DNM3: variants seen among roughly 807,000 people sequenced by gnomAD.
DNM3 encodes dynamin 3, also known as dynamin-3.
DNM3 carries 47 observed loss-of-function variants against 101.6 expected under a neutral mutation model. The observed-to-expected ratio is 0.46, with a 90% CI of 0.37 to 0.59. The LOEUF is 0.59. Among genes scored for constraint, DNM3 ranks in the 20% least tolerant of loss-of-function variants. DNM3 has a pLI of 0.00. For synonymous variants in DNM3, 385 were observed against 387.9 expected (o/e 0.99, Z 0.09); for missense variants, 849 against 1,085.7 (o/e 0.78, Z 3.06).
At chr1:172,008,857 A>G (rs2046886158) in intron 4 of DNM3, among the ~76,000 whole-genome samples, 2 of 138,904 alleles carry the variant, frequency 1.4e-5, no homozygotes, top group Non-Finnish European at 3.1e-5. Flanking sequence ...ATTATATTAT[A>G]TTACTATATA....
At chr1:172,068,754 C>G (rs1451121381) in intron 10 of DNM3, 65 bp from the exon 11 acceptor site, 2 of 1,332,160 alleles carry the variant, frequency 1.5e-6, no homozygotes, top group Non-Finnish European at 2.1e-6. Context: ...CATAATTTAT[C>G]TCTGCTTCTT....
At chr1:171,890,532 G>A (rs2037176341) in intron 1 of DNM3, among the ~76,000 whole-genome samples, 1 of 152,068 alleles carries the variant, frequency 6.6e-6, no homozygotes, top group Non-Finnish European at 1.5e-5. Flanking sequence ...CTGACTCACT[G>A]AATGAAAAAG....
chr1:172,055,970 G>A (rs967337330), intron 10 of DNM3, among the ~76,000 whole-genome samples: 1 of 152,180 alleles, frequency 6.6e-6, no homozygotes, highest in African/African-American at 2.4e-5. Flanking sequence ...AGTGGGCGCA[G>A]GTCAGTGGGT....
At chr1:172,363,942 T>C (rs1035527722) in intron 17 of DNM3, among the ~76,000 whole-genome samples, 1 of 151,960 alleles carries the variant, frequency 6.6e-6, no homozygotes, top group Non-Finnish European at 1.5e-5. Context: ...CTCACTTTCT[T>C]TCCATAGCCT....
intron 14 of DNM3, among the ~76,000 whole-genome samples, chr1:172,147,001 A>T (rs1446948272): frequency 6.6e-6 from 1 of 152,120 alleles, no homozygotes; most frequent in Admixed American, 6.6e-5. Context: ...ATTTTAAGGA[A>T]TTTTCTCCAG....
At chr1:172,283,675 G>A (rs377619674) in intron 15 of DNM3, among the ~76,000 whole-genome samples, 121 of 148,962 alleles carry the variant, frequency 8.1e-4, no homozygotes, top group African/African-American at 2.6e-3. Context: ...CAGGAAAATC[G>A]CTTGAAACCA....
Position 171,942,531 on chromosome 1 carries a change from C to T in DNM3, c.235+20710C>T, listed in dbSNP as rs937481163. On this transcript the variant is annotated intron_variant, in intron 2 of 20. Transcript: ENST00000627582. ...ATGTTAATTGAAAATTTCATTCATT[C>T]ATTCATTTCACAAATATTTATTGGG... is the stretch of plus-strand genomic sequence containing the variant. Among the ~76,000 whole-genome samples the T allele has an allele frequency of 3.9e-5, 6 of 152,082 alleles. No individual in the cohort carries two copies. The East Asian group carries it at 9.6e-4, about 24-fold the overall frequency.
intron 14 of DNM3, among the ~76,000 whole-genome samples, chr1:172,162,129 T>C (rs1453023036): frequency 6.6e-6 from 1 of 152,124 alleles, no homozygotes; most frequent in Non-Finnish European, 1.5e-5. Flanking sequence ...GTAAATATTT[T>C]TATAATAGTA....
At chr1:172,022,865 A>G (rs370942911) in intron 4 of DNM3, among the ~76,000 whole-genome samples, 2 of 152,258 alleles carry the variant, frequency 1.3e-5, no homozygotes, top group South Asian at 4.1e-4. Flanking sequence ...TCACATATGC[A>G]CTTATCCTCC....
At chr1:171,905,931 C>G (rs982703432) in intron 1 of DNM3, among the ~76,000 whole-genome samples, 1 of 151,924 alleles carries the variant, frequency 6.6e-6, no homozygotes, top group South Asian at 2.1e-4. Flanking sequence ...TGGCCCTCTA[C>G]TGATGTAAGC....
chr1:171,942,192 G>A (rs949905258), intron 2 of DNM3, among the ~76,000 whole-genome samples: 1 of 139,190 alleles, frequency 7.2e-6, no homozygotes, highest in African/African-American at 2.7e-5. Context: ...TTTAAATGCT[G>A]CTCACTTGAT....
chr1:172,298,150 G>T (rs899315367), intron 15 of DNM3, among the ~76,000 whole-genome samples: 1 of 152,002 alleles, frequency 6.6e-6, no homozygotes, highest in African/African-American at 2.4e-5. Context: ...CTGTTCGTGT[G>T]CCTCTTCAAG....
chr1:172,152,271 T>A (rs1363328751), intron 14 of DNM3, among the ~76,000 whole-genome samples: 1 of 151,912 alleles, frequency 6.6e-6, no homozygotes, highest in Non-Finnish European at 1.5e-5. Flanking sequence ...TTCCTTTTTT[T>A]TTTTTTTTCA....
intron 4 of DNM3, among the ~76,000 whole-genome samples, chr1:172,029,799 A>G (rs2125789075): frequency 6.6e-6 from 1 of 152,298 alleles, no homozygotes; most frequent in African/African-American, 2.4e-5. Context: ...ATGAACTCCC[A>G]TTCATGATTG....
intron 14 of DNM3, among the ~76,000 whole-genome samples, chr1:172,251,052 CT>C (rs1185805597): frequency 1.3e-5 from 2 of 152,014 alleles, no homozygotes; most frequent in African/African-American, 2.4e-5. Context: ...TTTTTGAGAT[CT>C]GGGGTCTATC....
intron 12 of DNM3, among the ~76,000 whole-genome samples, chr1:172,086,006 T>C (rs766859273): frequency 6.6e-6 from 1 of 152,166 alleles, no homozygotes. Context: ...TGTTGTCAAG[T>C]AGAAATACAG....
intron 2 of DNM3, among the ~76,000 whole-genome samples, chr1:171,932,523 C>A (rs1296844500): frequency 6.6e-6 from 1 of 152,020 alleles, no homozygotes; most frequent in Non-Finnish European, 1.5e-5. Flanking sequence ...TCACTTCAGG[C>A]ATCCTATTAA....
chr1:171,925,724 G>A (rs1017330182), intron 2 of DNM3, among the ~76,000 whole-genome samples: 1 of 152,150 alleles, frequency 6.6e-6, no homozygotes, highest in Admixed American at 6.5e-5. Flanking sequence ...AGTCCCGTTT[G>A]TCTATTTCTG....
At chr1:172,128,457 T>G (rs1298319431) in intron 13 of DNM3, among the ~76,000 whole-genome samples, 1 of 152,142 alleles carries the variant, frequency 6.6e-6, no homozygotes. Context: ...CACAGTTCAA[T>G]AAAAATATAA....
Sources: allele counts gnomAD v4.1 joint callset (sites outside exome capture counted in the v4.1 genomes callset), GRCh38; gene constraint gnomAD v4.1.1; transcripts MANE v1.5; gene names NCBI Gene and HGNC (gene_info 2026-07-23, HGNC 2026-07-21).